Variants in MAST4 observed in about 807,000 individuals in gnomAD.
MAST4 encodes the protein microtubule associated serine/threonine kinase family member 4.
A neutral mutation model predicts 162.7 loss-of-function variants in MAST4; 89 were observed. That is an observed-to-expected ratio of 0.55 (90% CI 0.46 to 0.65). The LOEUF (loss-of-function observed/expected upper bound fraction) is 0.65, where lower values mean the gene tolerates loss of function less well. Among genes scored for constraint, MAST4 ranks in the 30% least tolerant of loss-of-function variants. MAST4 has a pLI of 0.00. For synonymous variants in MAST4, 1,479 were observed against 1,361.1 expected (o/e 1.09, Z -1.91); for missense variants, 3,153 against 3,374.0 (o/e 0.93, Z 1.62).
At chr5:67,109,805 T>C (rs1766015830) in intron 10 of MAST4, among the ~76,000 whole-genome samples, 1 of 152,216 alleles carries the variant, frequency 6.6e-6, no homozygotes, top group South Asian at 2.1e-4. Flanking sequence ...TCATAAACTT[T>C]TAATGTCTCC....
At chr5:67,012,733 T>A (rs1752838926) in intron 4 of MAST4, among the ~76,000 whole-genome samples, 1 of 152,062 alleles carries the variant, frequency 6.6e-6, no homozygotes, top group Admixed American at 6.6e-5. Flanking sequence ...TCCAGGCAGA[T>A]AGAAAAAAAG....
intron 1 of MAST4, among the ~76,000 whole-genome samples, chr5:66,683,453 ATC>A (rs1042081350): frequency 1.3e-5 from 2 of 152,182 alleles, no homozygotes; most frequent in African/African-American, 4.8e-5. Context: ...TGTAGTAAAT[ATC>A]TGTCTCCATA....
intron 3 of MAST4, among the ~76,000 whole-genome samples, chr5:66,877,966 A>G (rs924580390): frequency 2.5e-4 from 38 of 152,200 alleles, no homozygotes; most frequent in African/African-American, 7.5e-4. Flanking sequence ...CTACCTTTTC[A>G]TTGATTTTTT....
chr5:66,719,199 G>A (rs992647426), intron 1 of MAST4, among the ~76,000 whole-genome samples: 22 of 152,278 alleles, frequency 1.4e-4, no homozygotes, highest in Admixed American at 2.6e-4. Flanking sequence ...AAAAGGCACC[G>A]CCTTGGGTAC....
At chr5:66,651,877 A>G (rs1483363791) in intron 1 of MAST4, among the ~76,000 whole-genome samples, 4 of 152,178 alleles carry the variant, frequency 2.6e-5, no homozygotes, top group Non-Finnish European at 5.9e-5. Context: ...TTGACCAGAG[A>G]ACTCCCTCAG....
At chr5:67,146,610 A>G (rs957278567) in intron 23 of MAST4, among the ~76,000 whole-genome samples, 7 of 152,090 alleles carry the variant, frequency 4.6e-5, no homozygotes, top group Non-Finnish European at 1.0e-4. Context: ...TTTTTTAATC[A>G]TTTCAGGAAA....
intron 3 of MAST4, among the ~76,000 whole-genome samples, chr5:66,880,316 T>C (rs1761608482): frequency 6.6e-6 from 1 of 152,200 alleles, no homozygotes; most frequent in Admixed American, 6.5e-5. Flanking sequence ...CTTAGAACAG[T>C]GGTTCTCTCT....
chr5:66,898,931 C>T, intron 3 of MAST4, among the ~76,000 whole-genome samples: 1 of 152,092 alleles, frequency 6.6e-6, no homozygotes, highest in African/African-American at 2.4e-5. Context: ...CCATGACAAA[C>T]ATTGAAATAT....
intron 14 of MAST4, among the ~76,000 whole-genome samples, chr5:67,127,167 T>A (rs1040655990): frequency 7.9e-5 from 12 of 152,242 alleles, no homozygotes; most frequent in African/African-American, 2.7e-4. Context: ...TATACAGTCA[T>A]GTCATCTGCA....
At chr5:66,927,388 G>A (rs994827241) in intron 4 of MAST4, among the ~76,000 whole-genome samples, 3 of 152,176 alleles carry the variant, frequency 2.0e-5, no homozygotes, top group Admixed American at 6.5e-5. Context: ...ATATCCAGGT[G>A]TTAACATCAC....
chr5:67,034,510 G>GGCC (rs1755766355), intron 4 of MAST4, among the ~76,000 whole-genome samples: 1 of 152,094 alleles, frequency 6.6e-6, no homozygotes, highest in Non-Finnish European at 1.5e-5. Flanking sequence ...ATTCAATAGC[G>GGCC]AGAGTCAGGC....
intron 3 of MAST4, among the ~76,000 whole-genome samples, chr5:66,801,877 ACATT>A (rs1755939889): frequency 6.6e-6 from 1 of 152,212 alleles, no homozygotes; most frequent in South Asian, 2.1e-4. Context: ...CAGATGTAAG[ACATT>A]CATTTGTTGC....
chr5:66,965,599 C>T (rs909474999), intron 4 of MAST4, among the ~76,000 whole-genome samples: 3 of 31,720 alleles, frequency 9.5e-5, no homozygotes, highest in African/African-American at 3.0e-4. Flanking sequence ...GGGGGGGGGG[C>T]GGTGAAGGAT....
Position 67,114,327 on chromosome 5 carries a change from A to G in MAST4, c.1591+108A>G, listed in dbSNP as rs1197872499. ...TTTTCCTCATGTTTTGGCTCTATCT[A>G]TTGATAAGTCCATATTTGGGGACTG... On this transcript the variant is annotated intron_variant, in intron 12 of 28. Coordinates refer to ENST00000403625, the MANE Select transcript of MAST4 (RefSeq NM_001164664.2). The G allele has an allele frequency of 1.2e-5, 16 of 1,338,036 alleles. No individual in the cohort carries two copies. In the East Asian group the frequency reaches 3.1e-4, roughly 26 times the overall value. The allele number at this position is 1,338,036 out of a possible 1,614,324, so 82.9% of individuals were successfully genotyped here.
intron 4 of MAST4, among the ~76,000 whole-genome samples, chr5:66,952,557 C>A (rs1302317568): frequency 1.3e-5 from 2 of 152,306 alleles, no homozygotes; most frequent in East Asian, 3.9e-4. Flanking sequence ...TCTACTCTCC[C>A]TGCTTCGCCA....
chr5:67,102,673 T>C (rs1053962249), intron 9 of MAST4, 62 bp downstream of exon 9: 20 of 1,364,374 alleles, frequency 1.5e-5, no homozygotes, highest in Non-Finnish European at 1.9e-5. Context: ...GTTTAGAGTC[T>C]GTAAGGTTGT....
intron 26 of MAST4, among the ~76,000 whole-genome samples, chr5:67,154,936 T>C (rs1772300823): frequency 1.3e-5 from 2 of 152,346 alleles, no homozygotes; most frequent in South Asian, 2.1e-4. Flanking sequence ...TGTGCCTTCA[T>C]TGGTTTAACA....
chr5:66,621,877 T>A (rs760808630), intron 1 of MAST4, among the ~76,000 whole-genome samples: 6 of 152,208 alleles, frequency 3.9e-5, no homozygotes, highest in Admixed American at 1.3e-4. Flanking sequence ...GGCCAAATAG[T>A]AAATACTTCA....
At chr5:66,930,893 T>G in intron 4 of MAST4, 1 of 429,752 alleles carries the variant, frequency 2.3e-6, no homozygotes, top group Non-Finnish European at 4.8e-6. Context: ...GCTTGTATAC[T>G]TGGTCCTGTG....
Sources: allele counts gnomAD v4.1 joint callset (sites outside exome capture counted in the v4.1 genomes callset), GRCh38; gene constraint gnomAD v4.1.1; transcripts MANE v1.5; gene names NCBI Gene and HGNC (gene_info 2026-07-23, HGNC 2026-07-21).